NIPA1: variants seen among roughly 807,000 people sequenced by gnomAD.
NIPA1 encodes NIPA magnesium transporter 1, also known as magnesium transporter NIPA1.
NIPA1 carries 13 observed loss-of-function variants against 23.9 expected under a neutral mutation model. That is an observed-to-expected ratio of 0.54 (90% CI 0.35 to 0.87). NIPA1 has a LOEUF of 0.87. NIPA1 is among the 40% of genes least tolerant of loss of function. The probability of loss-of-function intolerance (pLI) is 0.01; values close to 1 mark genes in which losing one functional copy is unlikely to be tolerated. For missense variants in NIPA1, 362 were observed against 429.7 expected (o/e 0.84, Z 1.39); for synonymous variants, 234 against 202.9 (o/e 1.15, Z -1.30).
intron 1 of NIPA1, among the ~76,000 whole-genome samples, chr15:22,797,122 T>G (rs1555372278): frequency 6.6e-6 from 1 of 150,474 alleles, no homozygotes; most frequent in South Asian, 2.1e-4. Context: ...TCACTGCAAC[T>G]TCCGCCTCCC....
chr15:22,797,001 CA>C (rs1198195731), intron 1 of NIPA1, among the ~76,000 whole-genome samples: 1 of 151,326 alleles, frequency 6.6e-6, no homozygotes, highest in Non-Finnish European at 1.5e-5. Context: ...GGAACTTACT[CA>C]TCTCTCCACC....
At chr15:22,812,377 C>T (rs560983632) in intron 3 of NIPA1, 124 bp downstream of exon 3, 129 of 737,744 alleles carry the variant, frequency 1.7e-4, no homozygotes, top group Non-Finnish European at 2.9e-4. Context: ...TCAGGCCGGG[C>T]ATGGTGGCTT....
At chr15:22,798,760 C>T (rs1416211628) in intron 1 of NIPA1, among the ~76,000 whole-genome samples, 4 of 141,062 alleles carry the variant, frequency 2.8e-5, no homozygotes, top group East Asian at 2.4e-4. Flanking sequence ...GGCGTGAACC[C>T]GGGAGGCGGA....
In NIPA1 at chr15:22,824,366, T is replaced by G; in HGVS notation, c.*127T>G. On this transcript the variant is annotated 3_prime_UTR_variant, in exon 5 of 5. Coordinates refer to ENST00000337435, the MANE Select transcript of NIPA1 (RefSeq NM_144599.5). The surrounding 1 kb of genome is among the most constrained non-coding windows in gnomAD (Gnocchi z 4.1). The stretch of plus-strand genomic sequence containing the variant: ...ATTGACTGGATAGTAACAGGTGGTC[T>G]GGTGGATAGCGGGGAGCATGGCTCA... 1.1e-6 allele frequency: 1 copy of G among 895,766 alleles called. No individual in the cohort carries two copies. Among genetic ancestry groups the G allele is most frequent in the East Asian group, 2.5e-5 (1 of 40,652 alleles). 55.5% of individuals were successfully genotyped at this position (895,766 alleles called of 1,614,324 possible).
At chr15:22,791,922 C>T (rs1894838067) in intron 1 of NIPA1, among the ~76,000 whole-genome samples, 1 of 152,128 alleles carries the variant, frequency 6.6e-6, no homozygotes, top group East Asian at 1.9e-4. Context: ...GCGTCCTCTA[C>T]AGCATAGGCT....
At chr15:22,805,481 G>T (rs1423812026) in intron 1 of NIPA1, among the ~76,000 whole-genome samples, 1 of 152,120 alleles carries the variant, frequency 6.6e-6, no homozygotes, top group Non-Finnish European at 1.5e-5. Flanking sequence ...GAGGTCAGGA[G>T]TACAAGACCA....
At chr15:22,808,305 G>A (rs1374935941) in intron 1 of NIPA1, among the ~76,000 whole-genome samples, 1 of 152,174 alleles carries the variant, frequency 6.6e-6, no homozygotes, top group African/African-American at 2.4e-5. Context: ...ACATTCTTAA[G>A]CTTCGCTAAA....
At chr15:22,797,142 C>A (rs902434127) in intron 1 of NIPA1, among the ~76,000 whole-genome samples, 1 of 151,272 alleles carries the variant, frequency 6.6e-6, no homozygotes, top group African/African-American at 2.4e-5. Flanking sequence ...CAGGTTCAAG[C>A]GATTCTTGTG....
intron 1 of NIPA1, among the ~76,000 whole-genome samples, chr15:22,800,127 G>A (rs192908457): frequency 7.9e-5 from 12 of 151,862 alleles, no homozygotes; most frequent in Admixed American, 4.6e-4. Context: ...CACAATATAC[G>A]CAAAGAACAA....
At chr15:22,813,983 T>C in intron 3 of NIPA1, 2 of 515,042 alleles carry the variant, frequency 3.9e-6, no homozygotes, top group South Asian at 3.1e-5. Context: ...AATGCACATA[T>C]ACTAAAATGT....
At chr15:22,820,242 A>G in intron 3 of NIPA1, 71 bp from the exon 4 acceptor site, 2 of 1,088,304 alleles carry the variant, frequency 1.8e-6, no homozygotes, top group Non-Finnish European at 2.8e-6. Context: ...TTCTAGATAA[A>G]ATATCTGCTG....
At chr15:22,797,005 T>TCTC (rs1738768165) in intron 1 of NIPA1, among the ~76,000 whole-genome samples, 1 of 151,950 alleles carries the variant, frequency 6.6e-6, no homozygotes, top group Admixed American at 6.6e-5. Context: ...CTTACTCATC[T>TCTC]CTCCACCTGG....
At chr15:22,806,558 T>TCACA (rs1895217332) in intron 1 of NIPA1, among the ~76,000 whole-genome samples, 1 of 80,182 alleles carries the variant, frequency 1.2e-5, no homozygotes, top group Non-Finnish European at 2.0e-5. Flanking sequence ...CTGTTGTTGC[T>TCACA]GAGGCCGGAG....
chr15:22,811,560 C>T (rs1427598874), intron 2 of NIPA1, among the ~76,000 whole-genome samples: 9 of 152,114 alleles, frequency 5.9e-5, no homozygotes, highest in South Asian at 2.1e-4. Context: ...GCCAAGATCA[C>T]GCCAGTGCAC....
At position 22,786,886 on chromosome 15, in the gene NIPA1, C is replaced by T. The variant is rs1374117823; in HGVS notation, c.178+52C>T. ...GCGGGCGGGTGGGGGAGGCGGGCGG[C>T]GGAGAAGGCGGTCGCAGGTGGGGGC... On this transcript the variant is annotated intron_variant, in intron 1 of 4. Transcript: ENST00000337435. 2.8e-3 allele frequency: 408 copies of T among 145,184 alleles called. 1 individual carries two copies. Among genetic ancestry groups the T allele is most frequent in the African/African-American group, 0.011 (371 of 33,076 alleles). 9.0% of individuals were successfully genotyped at this position (145,184 alleles called of 1,614,324 possible).
intron 1 of NIPA1, among the ~76,000 whole-genome samples, chr15:22,805,485 A>C (rs943765855): frequency 4.6e-5 from 7 of 152,108 alleles, no homozygotes; most frequent in Non-Finnish European, 1.0e-4. Flanking sequence ...TCAGGAGTAC[A>C]AGACCATCCT....
At chr15:22,823,300 C>T (rs1273088622) in intron 4 of NIPA1, among the ~76,000 whole-genome samples, 1 of 151,182 alleles carries the variant, frequency 6.6e-6, no homozygotes, top group Non-Finnish European at 1.5e-5. Context: ...CTGCAACCTC[C>T]ACCCCCTAGG....
intron 1 of NIPA1, among the ~76,000 whole-genome samples, chr15:22,800,735 T>C (rs1242906911): frequency 6.6e-6 from 1 of 152,014 alleles, no homozygotes; most frequent in Middle Eastern, 3.2e-3. Context: ...GAGACCATCC[T>C]GGCTAACACG....
chr15:22,828,889 G>T lies in NIPA1; in HGVS notation c.*4650G>T, dbSNP rs1482750875. Reference sequence around the variant, plus strand: ...CTAAAACACCGGCACTTTCAGCAGTGTTCTGGTGGCCTGAGATGAGAGCAC... The same window carrying T: ...CTAAAACACCGGCACTTTCAGCAGTTTTCTGGTGGCCTGAGATGAGAGCAC... On this transcript the variant is annotated 3_prime_UTR_variant, in exon 5 of 5. Coordinates refer to ENST00000337435, the MANE Select transcript of NIPA1 (RefSeq NM_144599.5). The T allele has an allele frequency of 1.3e-5, 2 of 152,664 alleles. No homozygotes were observed. Among genetic ancestry groups the T allele is most frequent in the African/African-American group, 2.4e-5 (1 of 41,440 alleles). 9.5% of individuals were successfully genotyped at this position (152,664 alleles called of 1,614,324 possible). A position where few individuals can be genotyped will look rare whatever the true frequency, so the allele number is the denominator to read the frequency against.
Sources: allele counts gnomAD v4.1 joint callset (sites outside exome capture counted in the v4.1 genomes callset), GRCh38; gene constraint gnomAD v4.1.1; non-coding constraint Gnocchi (gnomAD v3.1); transcripts MANE v1.5; gene names NCBI Gene and HGNC (gene_info 2026-07-23, HGNC 2026-07-21).